Variants in ELK3 observed in about 807,000 individuals in gnomAD.
ELK3 encodes ETS transcription factor ELK3.
In ELK3, 10 loss-of-function variants were observed where a neutral mutation model predicts 28.9. The ratio of observed to expected loss-of-function variants is 0.35; its 90% CI spans 0.21 to 0.59. ELK3 has a LOEUF of 0.59. Ranked by LOEUF, ELK3 falls within the 20% of genes least tolerant of loss-of-function variation. The pLI, the probability that ELK3 is intolerant of heterozygous loss-of-function variation, is 0.82. For missense variants in ELK3, 463 were observed against 517.3 expected, an observed-to-expected ratio of 0.90 and a Z score of 1.02; for synonymous variants, 272 against 243.5, an observed-to-expected ratio of 1.12 and a Z score of -1.09.
chr12:96,249,199 A>G (rs1951882946), intron 3 of ELK3, among the ~76,000 whole-genome samples: 1 of 152,202 alleles, frequency 6.6e-6, no homozygotes, highest in South Asian at 2.1e-4. Context: ...GTCTGCCTCC[A>G]GAATCCATGC....
intron 1 of ELK3, among the ~76,000 whole-genome samples, chr12:96,211,104 A>G (rs928179024): frequency 6.6e-6 from 1 of 152,196 alleles, no homozygotes; most frequent in Non-Finnish European, 1.5e-5. Context: ...CAGCCAACTG[A>G]GAGTATTAAA....
At chr12:96,224,931 G>A (rs1164265959) in intron 2 of ELK3, among the ~76,000 whole-genome samples, 1 of 152,210 alleles carries the variant, frequency 6.6e-6, no homozygotes, top group Non-Finnish European at 1.5e-5. Context: ...GTTTCAGGAA[G>A]TAGAGACATC....
At chr12:96,228,875 T>A (rs1302383917) in intron 2 of ELK3, among the ~76,000 whole-genome samples, 4 of 152,228 alleles carry the variant, frequency 2.6e-5, no homozygotes, top group African/African-American at 9.6e-5. Flanking sequence ...CCCTTCCTTG[T>A]CGGACTGTGT....
chr12:96,237,638 A>G (rs551324230), intron 2 of ELK3, among the ~76,000 whole-genome samples: 85 of 152,306 alleles, frequency 5.6e-4, no homozygotes, highest in Middle Eastern at 3.4e-3. Flanking sequence ...ACTGAAAGCC[A>G]GGTGTGGTGG....
At chr12:96,208,303 C>T (rs1050581488) in intron 1 of ELK3, among the ~76,000 whole-genome samples, 8 of 152,358 alleles carry the variant, frequency 5.3e-5, no homozygotes, top group Middle Eastern at 3.4e-3. Flanking sequence ...CCACCCACCC[C>T]GGCCTCCCAA....
chr12:96,238,693 C>A (rs948997919), intron 2 of ELK3, among the ~76,000 whole-genome samples: 47 of 152,232 alleles, frequency 3.1e-4, no homozygotes, highest in African/African-American at 1.1e-3. Context: ...CCAAAGCAGG[C>A]ACCTTCTCTA....
At chr12:96,196,353 T>C (rs1455055593) in intron 1 of ELK3, among the ~76,000 whole-genome samples, 2 of 151,968 alleles carry the variant, frequency 1.3e-5, no homozygotes, top group Non-Finnish European at 2.9e-5. Context: ...TGTATGTGTG[T>C]TGAGAGGTGG....
chr12:96,210,569 A>T (rs1410471967), intron 1 of ELK3, among the ~76,000 whole-genome samples: 2 of 150,008 alleles, frequency 1.3e-5, no homozygotes, highest in African/African-American at 4.9e-5. Context: ...GCGCACGCAC[A>T]CACACACACA....
chr12:96,199,936 A>G (rs750179548), intron 1 of ELK3, among the ~76,000 whole-genome samples: 3 of 152,070 alleles, frequency 2.0e-5, no homozygotes, highest in Non-Finnish European at 2.9e-5. Flanking sequence ...ACAAGGATCT[A>G]TTTATGACAC....
intron 1 of ELK3, among the ~76,000 whole-genome samples, chr12:96,195,509 A>G (rs1407557639): frequency 6.6e-6 from 1 of 152,140 alleles, no homozygotes; most frequent in Non-Finnish European, 1.5e-5. Flanking sequence ...CGGGATTAAG[A>G]TTTTGGAGTA....
chr12:96,251,063 G>A (rs906695085), intron 3 of ELK3, among the ~76,000 whole-genome samples: 1 of 152,134 alleles, frequency 6.6e-6, no homozygotes, highest in African/African-American at 2.4e-5. Flanking sequence ...GCAACCTGGC[G>A]CTGAGCAAGT....
intron 1 of ELK3, among the ~76,000 whole-genome samples, chr12:96,218,141 A>G (rs953361504): frequency 6.6e-6 from 1 of 152,010 alleles, no homozygotes. Context: ...TGCCCTCTGG[A>G]GTAGGAGTGG....
chr12:96,232,570 C>CA (rs750868252), intron 2 of ELK3, among the ~76,000 whole-genome samples: 1,805 of 81,102 alleles, frequency 0.022, 31 homozygotes, highest in Admixed American at 0.1. Flanking sequence ...GGCTCCATCT[C>CA]AAAAAAAAAA....
intron 1 of ELK3, among the ~76,000 whole-genome samples, chr12:96,206,635 C>G (rs945273633): frequency 1.4e-4 from 22 of 152,316 alleles, no homozygotes; most frequent in Admixed American, 1.3e-4. Context: ...AAAGCAGGAT[C>G]TGGCTGTTAT....
intron 1 of ELK3, among the ~76,000 whole-genome samples, chr12:96,209,797 C>A (rs1243665272): frequency 6.6e-6 from 1 of 152,134 alleles, no homozygotes; most frequent in Non-Finnish European, 1.5e-5. Flanking sequence ...CAAATACTTT[C>A]AAGAAGTCTT....
intron 2 of ELK3, among the ~76,000 whole-genome samples, chr12:96,234,684 C>T (rs1592681600): frequency 6.6e-6 from 1 of 152,292 alleles, no homozygotes; most frequent in South Asian, 2.1e-4. Context: ...GCTTATTTTC[C>T]AATTTGTGAT....
At chr12:96,228,442 A>AAAAAAAAG (rs761298726) in intron 2 of ELK3, among the ~76,000 whole-genome samples, 2 of 142,644 alleles carry the variant, frequency 1.4e-5, no homozygotes, top group Admixed American at 7.5e-5. Context: ...AAAAAAAAAA[A>AAAAAAAAG]AAGAAGATCA....
chr12:96,214,653 A>G (rs1461578614), intron 1 of ELK3, among the ~76,000 whole-genome samples: 2 of 152,248 alleles, frequency 1.3e-5, no homozygotes, highest in African/African-American at 2.4e-5. Flanking sequence ...AATGATCAAA[A>G]TAATTTAAAT....
intron 1 of ELK3, 91 bp from the exon 2 acceptor site, chr12:96,223,474 C>T: frequency 1.6e-6 from 2 of 1,240,318 alleles, no homozygotes; most frequent in Non-Finnish European, 1.2e-6. Context: ...GAGGGGACAG[C>T]TGAGTTGCCC....
Sources: allele counts gnomAD v4.1 joint callset (sites outside exome capture counted in the v4.1 genomes callset), GRCh38; gene constraint gnomAD v4.1.1; transcripts MANE v1.5; gene names NCBI Gene and HGNC (gene_info 2026-07-23, HGNC 2026-07-21).